The following SESTD1 variants were observed in gnomAD, a reference collection of about 807,000 sequenced individuals.
The protein encoded by SESTD1 is SEC14 domain and spectrin repeat-containing protein 1.
SESTD1 carries 43 observed loss-of-function variants against 101.7 expected under a neutral mutation model. The observed-to-expected ratio is 0.42, with a 90% CI of 0.33 to 0.55. SESTD1 has a LOEUF of 0.55. Among genes scored for constraint, SESTD1 ranks in the 20% least tolerant of loss-of-function variants. The pLI is 0.07. For missense variants in SESTD1, 647 were observed against 815.1 expected (o/e 0.79, Z 2.51); for synonymous variants, 283 against 286.8 (o/e 0.99, Z 0.13).
rs2046712838 is a variant in SESTD1 at position 179,215,830 on chromosome 2, T to C, written c.-25-23964A>G. Among the ~76,000 whole-genome samples the C allele has an allele frequency of 2.2e-5, 3 of 135,172 alleles. 1 individual carries two copies. The highest frequency in any genetic ancestry group is 5.8e-5 in the African/African-American group (2 of 34,232). The allele number at this position is 135,172 out of a possible 152,430, so 88.7% of individuals were successfully genotyped here. ...CTTCATCCCTGAGATGCAAGTCTGG[T>C]TCATCATATGCAAATCAATAAACGT... On this transcript the variant is annotated intron_variant, in intron 1 of 17. Transcript: ENST00000428443.
rs1183208862 is a variant in SESTD1 at position 179,108,018 on chromosome 2, G to T, written c.*1881C>A. On this transcript the variant is annotated 3_prime_UTR_variant, in exon 18 of 18. Coordinates refer to ENST00000428443, the MANE Select transcript of SESTD1 (RefSeq NM_178123.5). ...CTGAACTTCCTGGCATGTTTGACTA[G>T]GAAAAAAGGCTGCACCATTAACCTA... 6.6e-6 allele frequency: 1 copy of T among 152,052 alleles called. No homozygotes were observed. Among genetic ancestry groups the T allele is most frequent in the Non-Finnish European group, 1.5e-5 (1 of 67,986 alleles). The allele number at this position is 152,052 out of a possible 1,614,324, so 9.4% of individuals were successfully genotyped here.
At chr2:179,223,748 G>T (rs963787459) in intron 1 of SESTD1, among the ~76,000 whole-genome samples, 3 of 152,128 alleles carry the variant, frequency 2.0e-5, no homozygotes, top group Non-Finnish European at 4.4e-5. Flanking sequence ...TGGATTAAAT[G>T]AAGGGAAGAA....
rs147048919 is a variant in SESTD1 at position 179,160,591 on chromosome 2, T to C, written c.370-9200A>G. On this transcript the variant is annotated intron_variant, in intron 5 of 17. Transcript: ENST00000428443. ...GTGACCAATTGATAGAAACATCATATTCTAACCTAAAGATAAACCTTCTTT... is the reference window on the plus strand; with the variant it reads ...GTGACCAATTGATAGAAACATCATACTCTAACCTAAAGATAAACCTTCTTT... Among the ~76,000 whole-genome samples, 1,311 of 152,144 alleles carry C rather than the reference T, an allele frequency of 8.6e-3. 9 individuals are homozygous for C. The highest frequency in any genetic ancestry group is 0.029 in the African/African-American group (1,222 of 41,542).
intron 13 of SESTD1, among the ~76,000 whole-genome samples, chr2:179,120,045 A>G (rs1237290591): frequency 1.3e-5 from 2 of 152,090 alleles, no homozygotes; most frequent in African/African-American, 2.4e-5. Flanking sequence ...CCTGGCTGAC[A>G]TGGTGAAACA....
chr2:179,228,239 G>A (rs566280568), intron 1 of SESTD1, among the ~76,000 whole-genome samples: 138 of 152,214 alleles, frequency 9.1e-4, no homozygotes, highest in Admixed American at 1.1e-3. Flanking sequence ...GTCTGTGCAC[G>A]CATGTGTGTA....
At chr2:179,117,490 C>T in intron 14 of SESTD1, 42 bp downstream of exon 14, 1 of 1,497,762 alleles carries the variant, frequency 6.7e-7, no homozygotes, top group South Asian at 1.3e-5. Context: ...AATCAATCTT[C>T]TAAGAAAAGT....
chr2:179,131,598 G>A (rs186728194), intron 10 of SESTD1, among the ~76,000 whole-genome samples: 4 of 151,984 alleles, frequency 2.6e-5, no homozygotes, highest in African/African-American at 7.2e-5. Context: ...TTAGGGAGAG[G>A]GGGGTGAGCT....
At chr2:179,188,042 C>T (rs1420308150) in intron 2 of SESTD1, among the ~76,000 whole-genome samples, 3 of 152,118 alleles carry the variant, frequency 2.0e-5, no homozygotes, top group African/African-American at 7.2e-5. Context: ...AGAAAACAAA[C>T]ATATTCTGAA....
chr2:179,109,839 T>G lies in SESTD1; in HGVS notation c.*60A>C. ...CATCTTAAGGTGTGGTGGCTAATGC[T>G]GTAGTATGTTGACAACATGCGGGAT... On this transcript the variant is annotated 3_prime_UTR_variant, in exon 18 of 18. Transcript: ENST00000428443. 6.3e-7 allele frequency: 1 copy of G among 1,588,882 alleles called. No individual in the cohort carries two copies. Among genetic ancestry groups the G allele is most frequent in the South Asian group, 1.1e-5 (1 of 88,186 alleles).
chr2:179,226,242 G>A (rs1433014997), intron 1 of SESTD1, among the ~76,000 whole-genome samples: 1 of 152,146 alleles, frequency 6.6e-6, no homozygotes, highest in Admixed American at 6.5e-5. Context: ...ATATTCTAAA[G>A]CCCAGTGTGG....
At chr2:179,201,439 C>T (rs2046510055) in intron 1 of SESTD1, among the ~76,000 whole-genome samples, 1 of 130,572 alleles carries the variant, frequency 7.7e-6, no homozygotes, top group Non-Finnish European at 1.6e-5. Flanking sequence ...ACCCAAAGGA[C>T]TATAAATCAT....
chr2:179,186,823 G>C (rs1574017295), intron 2 of SESTD1, among the ~76,000 whole-genome samples: 1 of 151,798 alleles, frequency 6.6e-6, no homozygotes, highest in East Asian at 1.9e-4. Flanking sequence ...TTCATTCCTA[G>C]AGAGCTTTCT....
chr2:179,183,303 A>G, intron 2 of SESTD1, 115 bp from the exon 3 acceptor site: 1 of 577,032 alleles, frequency 1.7e-6, no homozygotes, highest in Non-Finnish European at 2.7e-6. Context: ...TATAATTTGG[A>G]AAATATCTAA....
chr2:179,223,871 T>A (rs532567816), intron 1 of SESTD1, among the ~76,000 whole-genome samples: 39 of 152,336 alleles, frequency 2.6e-4, no homozygotes, highest in African/African-American at 6.7e-4. Flanking sequence ...TTATTTTTAA[T>A]CTCAAGGGAA....
At chr2:179,167,543 T>C (rs1439936054) in intron 5 of SESTD1, among the ~76,000 whole-genome samples, 1 of 151,882 alleles carries the variant, frequency 6.6e-6, no homozygotes. Flanking sequence ...GAACACTAAG[T>C]GGAATAAATA....
At chr2:179,184,003 T>A (rs1007925826) in intron 2 of SESTD1, among the ~76,000 whole-genome samples, 2 of 151,604 alleles carry the variant, frequency 1.3e-5, no homozygotes, top group Non-Finnish European at 2.9e-5. Context: ...CTCACAAAGG[T>A]CAGACAGGCA....
rs141319144 is a variant in SESTD1, at chr2:179,135,323, T to C, written c.850-2897A>G. Among the ~76,000 whole-genome samples the C allele has an allele frequency of 2.4e-3, 363 of 152,358 alleles. 2 individuals carry two copies. The highest frequency in any genetic ancestry group is 8.1e-3 in the African/African-American group (335 of 41,588). ...TCCATATTTTTTAAAGATTAGTGATTGAATACATTGCAAATGTTTGCTTAT... is the reference window on the plus strand; with the variant it reads ...TCCATATTTTTTAAAGATTAGTGATCGAATACATTGCAAATGTTTGCTTAT... On this transcript the variant is annotated intron_variant, in intron 9 of 17. Coordinates refer to ENST00000428443, the MANE Select transcript of SESTD1 (RefSeq NM_178123.5).
At chr2:179,263,681 G>A (rs2047514586) in intron 1 of SESTD1, among the ~76,000 whole-genome samples, 2 of 152,130 alleles carry the variant, frequency 1.3e-5, no homozygotes, top group Admixed American at 6.5e-5. Flanking sequence ...AAAACCACGG[G>A]GGCTGTCAGA....
rs1273404699 is a variant in SESTD1, at chr2:179,264,549, CAG to C, written c.-78_-77del. The C allele has an allele frequency of 6.6e-6, 1 of 151,102 alleles. No individual in the cohort carries two copies. The highest frequency in any genetic ancestry group is 2.4e-5 in the African/African-American group (1 of 41,114). 9.4% of individuals were successfully genotyped at this position (151,102 alleles called of 1,614,324 possible). A position where few individuals can be genotyped will look rare whatever the true frequency, so the allele number is the denominator to read the frequency against. ...GGCGGCTCCGGGGCGTTGGGGAAGACAGGGGAACGCTAGCGAGGTGCGGGCGG... is the reference window on the plus strand; with the variant it reads ...GGCGGCTCCGGGGCGTTGGGGAAGACGGGAACGCTAGCGAGGTGCGGGCGG... On this transcript the variant is annotated 5_prime_UTR_variant, in exon 1 of 18. Transcript: ENST00000428443.
Sources: allele counts gnomAD v4.1 joint callset (sites outside exome capture counted in the v4.1 genomes callset), GRCh38; gene constraint gnomAD v4.1.1; transcripts MANE v1.5; gene names NCBI Gene and HGNC (gene_info 2026-07-23, HGNC 2026-07-21).